Variants in GLDN observed in about 807,000 individuals in gnomAD.
GLDN encodes the protein gliomedin.
Under a neutral mutation model 56.5 loss-of-function variants are expected in GLDN, and 47 were observed. That is an observed-to-expected ratio of 0.83 (90% confidence interval 0.66 to 1.06). GLDN has a LOEUF of 1.06. Among genes scored for constraint, GLDN ranks in the 50% least tolerant of loss-of-function variants. The probability of loss-of-function intolerance (pLI) is 0.00; values close to 1 mark genes in which losing one functional copy is unlikely to be tolerated. For synonymous variants in GLDN, 332 were observed against 278.8 expected, an observed-to-expected ratio of 1.19 and a Z score of -1.90; for missense variants, 782 against 714.3, an observed-to-expected ratio of 1.09 and a Z score of -1.08.
intron 1 of GLDN, among the ~76,000 whole-genome samples, chr15:51,370,191 C>G (rs566233800): frequency 2.0e-5 from 3 of 152,146 alleles, no homozygotes; most frequent in Non-Finnish European, 4.4e-5. Flanking sequence ...GAGCCTAAAC[C>G]AGCTACTCCC....
At position 51,383,817 on chromosome 15, in the gene GLDN, A is replaced by G. The variant is rs200006557; in HGVS notation, c.466A>G (p.Asn156Asp). 322 of 1,613,482 alleles carry G rather than the reference A, an allele frequency of 2.0e-4. No individual in the cohort carries two copies. Among genetic ancestry groups the G allele is most frequent in the Admixed American group, 7.2e-4 (43 of 59,976 alleles). The change falls in exon 4 of 10, where the codon AAC (asparagine) becomes GAC (aspartate). Residue 156 changes from asparagine to aspartate, a missense_variant. Coordinates refer to ENST00000335449, the MANE Select transcript of GLDN (RefSeq NM_181789.4). ...GGGAGCCGGCGGGTTGCCAGGACACAACGGATTGGATGGACAGCCTGGTCC... is the reference window on the plus strand; with the variant it reads ...GGGAGCCGGCGGGTTGCCAGGACACGACGGATTGGATGGACAGCCTGGTCC... ...PPGAGGLPGH[N>D]GLDGQPGPQG...
At chr15:51,388,279 G>A (rs1409426122) in intron 4 of GLDN, among the ~76,000 whole-genome samples, 1 of 152,048 alleles carries the variant, frequency 6.6e-6, no homozygotes, top group Non-Finnish European at 1.5e-5. Context: ...CTCCCCAAGT[G>A]GGATCAATCA....
chr15:51,395,180 G>A (rs558629346), intron 5 of GLDN, among the ~76,000 whole-genome samples, 199 bp downstream of exon 5: 1 of 152,290 alleles, frequency 6.6e-6, no homozygotes, highest in East Asian at 1.9e-4. Flanking sequence ...GACCAGATCT[G>A]GGATCTAAGT....
At chr15:51,379,498 T>C (rs2037709074) in intron 2 of GLDN, among the ~76,000 whole-genome samples, 1 of 152,252 alleles carries the variant, frequency 6.6e-6, no homozygotes, top group Non-Finnish European at 1.5e-5. Flanking sequence ...CCTAGGCAAA[T>C]ATCAATCACG....
At position 51,401,615 on chromosome 15, in the gene GLDN, G is replaced by A. The variant is rs1435979570; in HGVS notation, c.1050G>A (p.Lys350=). The A allele has an allele frequency of 6.2e-7, 1 of 1,613,868 alleles. No homozygotes were observed. Among genetic ancestry groups the A allele is most frequent in the Non-Finnish European group, 8.5e-7 (1 of 1,179,920 alleles). ...HFSGIMVKEF[K]DQPSLLNGSY... ...CAGGCATCATGGTTAAGGAATTCAA[G>A]GATCAGCCCTCACTTCTGAATGGCA... The change falls in exon 9 of 10, where the codon AAG becomes AAA. Residue 350 remains lysine, a synonymous_variant. Transcript: ENST00000335449.
At chr15:51,356,066 G>A (rs1376892156) in intron 1 of GLDN, among the ~76,000 whole-genome samples, 1 of 151,658 alleles carries the variant, frequency 6.6e-6, no homozygotes, top group Non-Finnish European at 1.5e-5. Flanking sequence ...GATTAGCCGG[G>A]CGTGGTGGTG....
chr15:51,365,758 A>G (rs984636506), intron 1 of GLDN, among the ~76,000 whole-genome samples: 13 of 152,086 alleles, frequency 8.5e-5, no homozygotes, highest in African/African-American at 3.1e-4. Flanking sequence ...CATGCAGTCA[A>G]ATCCGTAAAA....
intron 4 of GLDN, among the ~76,000 whole-genome samples, chr15:51,390,631 C>T (rs559001104): frequency 5.9e-5 from 9 of 152,242 alleles, no homozygotes; most frequent in East Asian, 1.9e-4. Flanking sequence ...CCCTTTCCCC[C>T]GCCTTAGCAA....
downstream of GLDN, among the ~76,000 whole-genome samples, chr15:51,409,064 TG>T (rs1249704533): frequency 6.2e-5 from 6 of 96,048 alleles, no homozygotes; most frequent in East Asian, 2.1e-3. Flanking sequence ...CAACAGGGGC[TG>T]CTATAAAGAC....
At chr15:51,356,256 T>A (rs955694228) in intron 1 of GLDN, among the ~76,000 whole-genome samples, 5 of 150,510 alleles carry the variant, frequency 3.3e-5, no homozygotes, top group Admixed American at 3.3e-4. Context: ...GCCCAGCAGG[T>A]GTCTCGGCCT....
At chr15:51,390,078 C>T (rs1020287462) in intron 4 of GLDN, among the ~76,000 whole-genome samples, 2 of 152,194 alleles carry the variant, frequency 1.3e-5, no homozygotes, top group South Asian at 2.1e-4. Context: ...GTTTGTGTCT[C>T]GGCTCTTCCG....
intron 9 of GLDN, among the ~76,000 whole-genome samples, chr15:51,402,105 TG>T (rs1332035028): frequency 6.6e-6 from 1 of 152,236 alleles, no homozygotes; most frequent in Non-Finnish European, 1.5e-5. Context: ...GATAAAGTTT[TG>T]TTTTGGAAAA....
At chr15:51,343,417 G>A (rs1343143808) in intron 1 of GLDN, among the ~76,000 whole-genome samples, 1 of 152,102 alleles carries the variant, frequency 6.6e-6, no homozygotes, top group Non-Finnish European at 1.5e-5. Context: ...TACATTTTAA[G>A]GCTTTTAAAA....
At chr15:51,369,911 T>C (rs934771435) in intron 1 of GLDN, among the ~76,000 whole-genome samples, 1 of 151,718 alleles carries the variant, frequency 6.6e-6, no homozygotes, top group Admixed American at 6.6e-5. Context: ...AACCAAGGAG[T>C]TCAAGACCAG....
At chr15:51,365,392 T>C (rs1259800837) in intron 1 of GLDN, among the ~76,000 whole-genome samples, 1 of 152,240 alleles carries the variant, frequency 6.6e-6, no homozygotes, top group Non-Finnish European at 1.5e-5. Flanking sequence ...TTCCATATTT[T>C]TCCTGTAATA....
rs2141140611 is a variant in GLDN at position 51,405,282 on chromosome 15, G to A, written c.*528G>A. The A allele has an allele frequency of 6.6e-6, 1 of 151,684 alleles. No homozygotes were observed. The highest frequency in any genetic ancestry group is 1.9e-4 in the East Asian group (1 of 5,132). 9.4% of individuals were successfully genotyped at this position (151,684 alleles called of 1,614,324 possible). ...TATCCATAATTTATTGCTTTTCTTT[G>A]CATCTGCACCTGCCACCACAGAATA... On this transcript the variant is annotated 3_prime_UTR_variant, in exon 10 of 10. Coordinates refer to ENST00000335449, the MANE Select transcript of GLDN (RefSeq NM_181789.4).
At chr15:51,357,298 G>A (rs1261495847) in intron 1 of GLDN, among the ~76,000 whole-genome samples, 2 of 152,170 alleles carry the variant, frequency 1.3e-5, no homozygotes, top group African/African-American at 2.4e-5. Context: ...TTCATTCCTT[G>A]AAGCCTGTGA....
At chr15:51,362,838 G>A (rs1233089631) in intron 1 of GLDN, among the ~76,000 whole-genome samples, 1 of 152,186 alleles carries the variant, frequency 6.6e-6, no homozygotes, top group African/African-American at 2.4e-5. Context: ...CAGTGGAGAT[G>A]ATAAGTGGAT....
chr15:51,377,377 C>T, intron 1 of GLDN, 72 bp from the exon 2 acceptor site: 1 of 1,285,062 alleles, frequency 7.8e-7, no homozygotes, highest in African/African-American at 1.5e-5. Flanking sequence ...TTGCTTTCTG[C>T]TCGTCTGAAT....
Sources: allele counts gnomAD v4.1 joint callset (sites outside exome capture counted in the v4.1 genomes callset), GRCh38; gene constraint gnomAD v4.1.1; transcripts MANE v1.5; gene names NCBI Gene and HGNC (gene_info 2026-07-23, HGNC 2026-07-21).